PPP1R14C: variants seen among roughly 807,000 people sequenced by gnomAD.
The protein encoded by PPP1R14C is protein phosphatase 1 regulatory inhibitor subunit 14C.
A neutral mutation model predicts 20.4 loss-of-function variants in PPP1R14C; 16 were observed. The observed-to-expected ratio is 0.78, with a 90% CI of 0.53 to 1.19. PPP1R14C has a LOEUF of 1.19. Ranked by LOEUF, PPP1R14C falls within the 50% of genes most tolerant of loss-of-function variation. The probability of loss-of-function intolerance (pLI) is 0.00; values close to 1 mark genes in which losing one functional copy is unlikely to be tolerated. For missense variants in PPP1R14C, 211 were observed against 220.1 expected (o/e 0.96, Z 0.26); for synonymous variants, 91 against 91.0 (o/e 1.00, Z 0.00).
chr6:150,179,985 T>C (rs1173281776), intron 1 of PPP1R14C, among the ~76,000 whole-genome samples: 1 of 152,126 alleles, frequency 6.6e-6, no homozygotes, highest in East Asian at 1.9e-4. Flanking sequence ...ATAGATCACC[T>C]GAGGTCAGGA....
chr6:150,199,003 T>C (rs567081984), intron 1 of PPP1R14C, among the ~76,000 whole-genome samples: 105 of 151,670 alleles, frequency 6.9e-4, no homozygotes, highest in African/African-American at 2.3e-3. Flanking sequence ...GCTTCTTCTT[T>C]TTTTTTTTTT....
At chr6:150,229,199 G>A (rs139708472) in intron 3 of PPP1R14C, among the ~76,000 whole-genome samples, 6 of 152,198 alleles carry the variant, frequency 3.9e-5, no homozygotes, top group African/African-American at 9.6e-5. Context: ...CCAAAAGCCC[G>A]GAAATGGGTT....
intron 1 of PPP1R14C, among the ~76,000 whole-genome samples, chr6:150,191,418 G>A (rs898947010): frequency 6.6e-6 from 1 of 152,202 alleles, no homozygotes; most frequent in Non-Finnish European, 1.5e-5. Context: ...TGGAGTGATT[G>A]TATCCACCAG....
At chr6:150,168,533 CAACAAAACAAAACAA>C (rs370806291) in intron 1 of PPP1R14C, among the ~76,000 whole-genome samples, 1 of 148,890 alleles carries the variant, frequency 6.7e-6, no homozygotes, top group Admixed American at 6.7e-5. Flanking sequence ...ACTCCCGTCT[CAACAAAACAAAACAA>C]AACAAAACAA....
At chr6:150,221,628 T>G (rs1053493667) in intron 3 of PPP1R14C, among the ~76,000 whole-genome samples, 2 of 152,286 alleles carry the variant, frequency 1.3e-5, no homozygotes, top group African/African-American at 4.8e-5. Context: ...GAAAGAATAC[T>G]GGAATTTGAG....
rs1554220688 is a variant in PPP1R14C at position 150,218,484 on chromosome 6, C to CCCT, written c.423+1629_423+1630insCTC. Among the ~76,000 whole-genome samples the CCCT allele has an allele frequency of 1.3e-4, 15 of 118,468 alleles. No homozygotes were observed. In the East Asian group the frequency reaches 2.8e-3, roughly 22 times the overall value. The allele number at this position is 118,468 out of a possible 152,430, so 77.7% of individuals were successfully genotyped here. A position where few individuals can be genotyped will look rare whatever the true frequency, so the allele number is the denominator to read the frequency against. On this transcript the variant is annotated intron_variant, in intron 3 of 3. Coordinates refer to ENST00000361131, the MANE Select transcript of PPP1R14C (RefSeq NM_030949.3). ...TACTAATACATCTGAACCCCCCCCC[C>CCCT]CAAAAAAAAATTCTGAGGCTTATTT... is the stretch of plus-strand genomic sequence containing the variant.
intron 3 of PPP1R14C, 113 bp downstream of exon 3, chr6:150,216,969 A>T (rs1163127192): frequency 8.0e-6 from 6 of 748,740 alleles, no homozygotes; most frequent in Non-Finnish European, 1.4e-5. Flanking sequence ...TATACCAATT[A>T]GCAATTATTA....
intron 1 of PPP1R14C, among the ~76,000 whole-genome samples, chr6:150,174,857 T>C (rs1777543977): frequency 6.6e-6 from 1 of 151,232 alleles, no homozygotes; most frequent in Non-Finnish European, 1.5e-5. Flanking sequence ...TCCCAGCTAC[T>C]CAGGAAGCTG....
intron 3 of PPP1R14C, among the ~76,000 whole-genome samples, chr6:150,233,002 C>G (rs1778311643): frequency 6.6e-6 from 1 of 152,186 alleles, no homozygotes; most frequent in Admixed American, 6.5e-5. Context: ...AGATGGGTAA[C>G]AGTGAGTTAG....
In PPP1R14C at chr6:150,148,607, C is replaced by T. The variant is rs988823791; in HGVS notation, c.306+5109C>T. ...AGTATCACATCAGCCGGCTTTGCTA[C>T]TTTATTAGCGCTCAAGCTGGAAGGT... On this transcript the variant is annotated intron_variant, in intron 1 of 3. Transcript: ENST00000361131. Among the ~76,000 whole-genome samples, 6 of 152,194 alleles carry T rather than the reference C, an allele frequency of 3.9e-5. No individual in the cohort carries two copies. In the South Asian group the frequency reaches 1.2e-3, roughly 32 times the overall value.
At chr6:150,224,183 C>T (rs1418759977) in intron 3 of PPP1R14C, among the ~76,000 whole-genome samples, 1 of 152,178 alleles carries the variant, frequency 6.6e-6, no homozygotes, top group Non-Finnish European at 1.5e-5. Context: ...TTCTGGGTCT[C>T]TTTTCTATTC....
intron 1 of PPP1R14C, among the ~76,000 whole-genome samples, chr6:150,177,205 T>C (rs2114875316): frequency 6.6e-6 from 1 of 152,302 alleles, no homozygotes; most frequent in South Asian, 2.1e-4. Flanking sequence ...CGTGTGGCCA[T>C]TTGAAAACAG....
intron 3 of PPP1R14C, among the ~76,000 whole-genome samples, chr6:150,234,233 C>A (rs115454748): frequency 0.023 from 3,541 of 152,172 alleles, 127 homozygotes; most frequent in African/African-American, 0.08. Flanking sequence ...ACTGACAACA[C>A]CAAGTGTTGG....
At chr6:150,214,657 TTG>T in intron 1 of PPP1R14C, 85 bp from the exon 2 acceptor site, 1 of 892,712 alleles carries the variant, frequency 1.1e-6, no homozygotes, top group Non-Finnish European at 1.9e-6. Flanking sequence ...GATGATCTAG[TTG>T]TTTGTTCAAC....
At chr6:150,190,053 A>G (rs115940820) in intron 1 of PPP1R14C, among the ~76,000 whole-genome samples, 2,577 of 152,172 alleles carry the variant, frequency 0.017, 53 homozygotes, top group African/African-American at 0.051. Flanking sequence ...GAAAAGGATG[A>G]TTTTGGTCAA....
At chr6:150,224,149 C>T (rs1187751636) in intron 3 of PPP1R14C, among the ~76,000 whole-genome samples, 3 of 152,140 alleles carry the variant, frequency 2.0e-5, no homozygotes, top group African/African-American at 7.2e-5. Context: ...TGTCAAAGAT[C>T]AGTTGATATT....
At position 150,201,951 on chromosome 6, in the gene PPP1R14C, G is replaced by A. The variant is rs192150512; in HGVS notation, c.307-12793G>A. ...ACATGCATTACAGGTAAACGATTAT[G>A]GTAATAATTTACAAAGAAGCATGCC... On this transcript the variant is annotated intron_variant, in intron 1 of 3. Transcript: ENST00000361131. The surrounding 1 kb of genome is among the most constrained non-coding windows in gnomAD (Gnocchi z 4.2). Among the ~76,000 whole-genome samples, 40 of 152,234 alleles carry A rather than the reference G, an allele frequency of 2.6e-4. No individual in the cohort carries two copies. The East Asian group carries it at 7.5e-3, about 29-fold the overall frequency.
intron 1 of PPP1R14C, among the ~76,000 whole-genome samples, chr6:150,189,369 C>T (rs114668806): frequency 0.013 from 2,003 of 152,240 alleles, 44 homozygotes; most frequent in African/African-American, 0.045. Flanking sequence ...GTTGACACAG[C>T]GCCACCCCAG....
intron 1 of PPP1R14C, among the ~76,000 whole-genome samples, chr6:150,197,107 G>A (rs1206815351): frequency 6.6e-6 from 1 of 152,174 alleles, no homozygotes; most frequent in African/African-American, 2.4e-5. Flanking sequence ...CCGAGTTTGG[G>A]AACTGGCTGG....
Sources: allele counts gnomAD v4.1 joint callset (sites outside exome capture counted in the v4.1 genomes callset), GRCh38; gene constraint gnomAD v4.1.1; non-coding constraint Gnocchi (gnomAD v3.1); transcripts MANE v1.5; gene names NCBI Gene and HGNC (gene_info 2026-07-23, HGNC 2026-07-21).